Variants in SERPINB5 observed in about 807,000 individuals in gnomAD.
The protein encoded by SERPINB5 is serpin family B member 5, also known as serpin B5.
In SERPINB5, 27 loss-of-function variants were observed where a neutral mutation model predicts 32.2. The observed-to-expected ratio is 0.84, with a 90% confidence interval of 0.62 to 1.16. The LOEUF (loss-of-function observed/expected upper bound fraction) is 1.16, where lower values mean the gene tolerates loss of function less well. Ranked by LOEUF, SERPINB5 falls within the 50% of genes most tolerant of loss-of-function variation. The pLI is 0.00. For synonymous variants in SERPINB5, 154 were observed against 157.4 expected (o/e 0.98, Z 0.16); for missense variants, 388 against 436.3 (o/e 0.89, Z 0.99).
intron 1 of SERPINB5, among the ~76,000 whole-genome samples, chr18:63,480,927 G>A (rs570221258): frequency 6.6e-6 from 1 of 152,272 alleles, no homozygotes; most frequent in South Asian, 2.1e-4. Flanking sequence ...AGACATGAAG[G>A]AGAATTTTCT....
rs1909625365 is a variant in SERPINB5 at position 63,503,894 on chromosome 18, T to TA, written c.*172_*173insA. On this transcript the variant is annotated 3_prime_UTR_variant, in exon 7 of 7. Transcript: ENST00000382771. ...TCACACAGATAGACCTTTTTTTTTT[T>TA]TCCAATTCTATCTTTTGTTTCCTTT... is the stretch of plus-strand genomic sequence containing the variant. The TA allele has an allele frequency of 1.6e-6, 1 of 628,294 alleles. No individual in the cohort carries two copies. The highest frequency in any genetic ancestry group is 1.8e-5 in the African/African-American group (1 of 54,062). The allele number at this position is 628,294 out of a possible 1,614,324, so 38.9% of individuals were successfully genotyped here.
At chr18:63,503,155 T>TG (rs1002562908) in intron 6 of SERPINB5, among the ~76,000 whole-genome samples, 175 bp from the exon 7 acceptor site, 7 of 152,204 alleles carry the variant, frequency 4.6e-5, no homozygotes, top group Non-Finnish European at 1.0e-4. Context: ...AGGACACAGC[T>TG]GGGTGGCTGC....
intron 6 of SERPINB5, among the ~76,000 whole-genome samples, chr18:63,502,137 A>AT (rs11403937): frequency 0.41 from 56,514 of 138,966 alleles, 12,044 homozygotes; most frequent in Non-Finnish European, 0.49. Flanking sequence ...TTTGGAAATG[A>AT]TTTTTTTTTT....
chr18:63,477,972 T>C (rs185630821), intron 1 of SERPINB5, among the ~76,000 whole-genome samples: 32 of 152,316 alleles, frequency 2.1e-4, no homozygotes, highest in South Asian at 6.2e-4. Context: ...CAGCTCGGGA[T>C]GTTTCCACAA....
chr18:63,492,732 C>G (rs963940302), intron 4 of SERPINB5, among the ~76,000 whole-genome samples: 1 of 152,222 alleles, frequency 6.6e-6, no homozygotes, highest in African/African-American at 2.4e-5. Flanking sequence ...TTCCTTTCTT[C>G]CCTGCTCCTT....
intron 1 of SERPINB5, chr18:63,477,359 G>A (rs1917052631): frequency 6.6e-6 from 1 of 152,124 alleles, no homozygotes; most frequent in Non-Finnish European, 1.5e-5. Flanking sequence ...CGTGATTCAC[G>A]GAGGAGAAAA....
rs1024090681 is a variant in SERPINB5, at chr18:63,498,472, G to A, written c.568-648G>A. On this transcript the variant is annotated intron_variant, in intron 5 of 6. Coordinates refer to ENST00000382771, the MANE Select transcript of SERPINB5 (RefSeq NM_002639.5). This position sits in a 1 kb window ranked among gnomAD's most constrained non-coding sequence, Gnocchi z 4.2. Reference sequence around the variant, plus strand: ...TTTCAAGTCAGCTCCACCAGGAATAGTTTAAAGATCTCATAGGCATCTGTA... The same window carrying A: ...TTTCAAGTCAGCTCCACCAGGAATAATTTAAAGATCTCATAGGCATCTGTA... Among the ~76,000 whole-genome samples, 1 of 152,162 alleles carries A rather than the reference G, an allele frequency of 6.6e-6. No homozygotes were observed. The highest frequency in any genetic ancestry group is 2.4e-5 in the African/African-American group (1 of 41,438).
intron 5 of SERPINB5, among the ~76,000 whole-genome samples, chr18:63,495,305 T>G (rs1314408095): frequency 6.6e-6 from 1 of 152,188 alleles, no homozygotes; most frequent in Non-Finnish European, 1.5e-5. Context: ...CAGTATTGTC[T>G]TTTATCTGGA....
chr18:63,480,204 G>A (rs1917103875), intron 1 of SERPINB5, among the ~76,000 whole-genome samples: 1 of 152,192 alleles, frequency 6.6e-6, no homozygotes, highest in South Asian at 2.1e-4. Flanking sequence ...TTTATAATTT[G>A]CACAGATTGC....
At chr18:63,493,750 A>G (rs899220419) in intron 5 of SERPINB5, 4 of 152,688 alleles carry the variant, frequency 2.6e-5, no homozygotes, top group Non-Finnish European at 5.8e-5. Flanking sequence ...TCTCAGCTAC[A>G]TGGGAGGCTG....
intron 3 of SERPINB5, among the ~76,000 whole-genome samples, chr18:63,487,937 C>T (rs983806329): frequency 6.6e-6 from 1 of 151,828 alleles, no homozygotes; most frequent in Non-Finnish European, 1.5e-5. Context: ...ACATGGGTTA[C>T]TAGATATTGT....
intron 5 of SERPINB5, chr18:63,493,725 T>C (rs6567364): frequency 0.7 from 107,127 of 152,878 alleles, 37,852 homozygotes; most frequent in African/African-American, 0.78. Flanking sequence ...TGGGCATGGT[T>C]GTGGGTGCCT....
At chr18:63,500,551 G>A (rs1271701603) in intron 6 of SERPINB5, among the ~76,000 whole-genome samples, 1 of 152,160 alleles carries the variant, frequency 6.6e-6, no homozygotes, top group Non-Finnish European at 1.5e-5. Context: ...AAGGCACAAA[G>A]TTTAAATAAG....
chr18:63,489,072 G>C (rs1367807535), intron 3 of SERPINB5, among the ~76,000 whole-genome samples: 4 of 152,024 alleles, frequency 2.6e-5, no homozygotes, highest in African/African-American at 9.7e-5. Context: ...CAACCCATAA[G>C]AGAATTGGGC....
chr18:63,493,098 A>T lies in SERPINB5; in HGVS notation c.567+3A>T. The stretch of plus-strand genomic sequence containing the variant: ...AATGTCCTTTCAGAGTCAACAAGGT[A>T]TGTGGGGCAGCATGTAGCAGTAAAA... On this transcript the variant is annotated splice_donor_region_variant and intron_variant, in intron 5 of 6. Transcript: ENST00000382771. The T allele has an allele frequency of 6.2e-7, 1 of 1,614,190 alleles. No homozygotes were observed. Among genetic ancestry groups the T allele is most frequent in the Non-Finnish European group, 8.5e-7 (1 of 1,180,026 alleles).
At chr18:63,487,614 G>A (rs1509479) in intron 3 of SERPINB5, among the ~76,000 whole-genome samples, 56,421 of 151,982 alleles carry the variant, frequency 0.37, 11,766 homozygotes, top group Non-Finnish European at 0.48. Context: ...GGCTGGGCTG[G>A]TCAGATGGGG....
chr18:63,489,588 G>A, intron 4 of SERPINB5, 124 bp downstream of exon 4: 3 of 644,010 alleles, frequency 4.7e-6, no homozygotes, highest in East Asian at 2.7e-5. Flanking sequence ...TACTACACAA[G>A]CTAAATTCTT....
At chr18:63,485,956 T>A (rs1251611443) in intron 2 of SERPINB5, 2 of 151,964 alleles carry the variant, frequency 1.3e-5, no homozygotes, top group Non-Finnish European at 2.9e-5. Context: ...TGACATTACA[T>A]GTTGTGGTGT....
chr18:63,493,292 A>G, intron 5 of SERPINB5, 197 bp downstream of exon 5: 1 of 680,160 alleles, frequency 1.5e-6, no homozygotes. Flanking sequence ...CCTCTTTTCC[A>G]TAATGTCTTC....
Sources: gnomAD v4.1 joint callset for allele counts (sites outside exome capture counted in the v4.1 genomes callset) on GRCh38, gnomAD v4.1.1 for gene constraint, Gnocchi (gnomAD v3.1) non-coding constraint, MANE v1.5 for transcripts, NCBI Gene and HGNC (gene_info 2026-07-23, HGNC 2026-07-21) for gene names.